Variants in STX5 observed in about 807,000 individuals in gnomAD.
STX5 encodes the protein syntaxin-5.
STX5 carries 15 observed loss-of-function variants against 42.9 expected under a neutral mutation model. The observed-to-expected ratio is 0.35, with a 90% CI of 0.23 to 0.54. STX5 has a LOEUF of 0.54. Ranked by LOEUF, STX5 falls within the 20% of genes least tolerant of loss-of-function variation. The pLI is 0.91. For missense variants in STX5, 430 were observed against 455.0 expected (o/e 0.95, Z 0.50); for synonymous variants, 184 against 173.2 (o/e 1.06, Z -0.49).
At position 62,820,097 on chromosome 11, in the gene STX5, G is replaced by A. The variant is rs1328002802; in HGVS notation, c.908+4069C>T. On this transcript the variant is annotated intron_variant, in intron 10 of 10. Transcript: ENST00000294179. The stretch of plus-strand genomic sequence containing the variant: ...AAAATATGGGCAGAATCGGCCGGGT[G>A]CGGTGGCTCATGCCTGTAATCCCAG... Among the ~76,000 whole-genome samples the A allele has an allele frequency of 2.6e-5, 4 of 151,896 alleles. No individual in the cohort carries two copies. The South Asian group carries it at 6.2e-4, about 24-fold the overall frequency.
chr11:62,819,136 G>A (rs1163199037), intron 10 of STX5, among the ~76,000 whole-genome samples: 4 of 144,366 alleles, frequency 2.8e-5, no homozygotes, highest in African/African-American at 1.0e-4. Context: ...CAGGAGAATG[G>A]TGTGAACCCA....
intron 10 of STX5, among the ~76,000 whole-genome samples, chr11:62,820,360 T>A (rs2084727419): frequency 6.7e-6 from 1 of 148,582 alleles, no homozygotes; most frequent in African/African-American, 2.5e-5. Context: ...ACGACGAGAC[T>A]CTGTCTCAAA....
intron 10 of STX5, among the ~76,000 whole-genome samples, chr11:62,809,598 T>G (rs1179683892): frequency 1.6e-5 from 2 of 123,782 alleles, no homozygotes; most frequent in Admixed American, 1.1e-4. Flanking sequence ...GGTGTGAACC[T>G]GGGAGGCAGA....
intron 1 of STX5, among the ~76,000 whole-genome samples, chr11:62,831,620 C>T (rs1011826065): frequency 1.7e-4 from 26 of 152,288 alleles, no homozygotes; most frequent in Admixed American, 5.9e-4. Context: ...TTCCTTCGGC[C>T]CCTCCGGGAG....
chr11:62,825,379 AC>A, intron 6 of STX5, 40 bp from the exon 7 acceptor site: 2 of 1,614,082 alleles, frequency 1.2e-6, no homozygotes, highest in Non-Finnish European at 1.7e-6. Context: ...AGAAGGCTCC[AC>A]ATTCTTCCTC....
At chr11:62,829,734 C>T (rs1227908732) in intron 2 of STX5, among the ~76,000 whole-genome samples, 1 of 151,740 alleles carries the variant, frequency 6.6e-6, no homozygotes, top group African/African-American at 2.4e-5. Context: ...CATTGTACTC[C>T]AGCCTTGGTG....
chr11:62,812,627 T>C (rs577454995), intron 10 of STX5, among the ~76,000 whole-genome samples: 1 of 151,512 alleles, frequency 6.6e-6, no homozygotes, highest in Admixed American at 6.6e-5. Flanking sequence ...TTTCACCGTG[T>C]TAGCCAGGAT....
chr11:62,819,814 C>T (rs1264563013), intron 10 of STX5, among the ~76,000 whole-genome samples: 1 of 151,590 alleles, frequency 6.6e-6, no homozygotes, highest in Admixed American at 6.6e-5. Context: ...CCACCTCTGG[C>T]TCCTGAGTAG....
intron 5 of STX5, among the ~76,000 whole-genome samples, chr11:62,826,572 A>C (rs576899045): frequency 6.7e-6 from 1 of 150,370 alleles, no homozygotes; most frequent in Non-Finnish European, 1.5e-5. Flanking sequence ...AATAATAATA[A>C]ATAAATAAAT....
intron 10 of STX5, among the ~76,000 whole-genome samples, chr11:62,823,220 A>G (rs960378265): frequency 6.6e-6 from 1 of 151,112 alleles, no homozygotes; most frequent in African/African-American, 2.4e-5. Context: ...TGTCACTCAG[A>G]CTGGAGCGCA....
At chr11:62,826,054 A>G (rs949947060) in intron 5 of STX5, among the ~76,000 whole-genome samples, 1 of 152,186 alleles carries the variant, frequency 6.6e-6, no homozygotes, top group Non-Finnish European at 1.5e-5. Context: ...AGAGATTGAG[A>G]CCATCCTGGC....
Position 62,831,944 on chromosome 11 carries a change from C to A in STX5, c.-20+10G>T, listed in dbSNP as rs1210621263. The A allele has an allele frequency of 6.5e-6, 3 of 458,876 alleles. No individual in the cohort carries two copies. Among genetic ancestry groups the A allele is most frequent in the African/African-American group, 6.0e-5 (3 of 50,122 alleles). The allele number at this position is 458,876 out of a possible 1,614,324, so 28.4% of individuals were successfully genotyped here. A position where few individuals can be genotyped will look rare whatever the true frequency, so the allele number is the denominator to read the frequency against. On this transcript the variant is annotated intron_variant, in intron 1 of 10. Coordinates refer to ENST00000294179, the MANE Select transcript of STX5 (RefSeq NM_003164.5). The stretch of plus-strand genomic sequence containing the variant: ...ACGGCGGCCAGATCCCCTCTTAAAG[C>A]GAATCTTACCTCCCCTCTGCCGCCT...
chr11:62,826,285 C>T (rs1013114463), intron 5 of STX5, among the ~76,000 whole-genome samples: 17 of 150,326 alleles, frequency 1.1e-4, no homozygotes, highest in Non-Finnish European at 1.8e-4. Flanking sequence ...TGGCCTGGCG[C>T]GGTGGCTCAC....
rs139084329 is a variant in STX5 at position 62,807,586 on chromosome 11, G to A, written c.951C>T (p.Ala317=). 2.4e-4 allele frequency: 382 copies of A among 1,614,004 alleles called. 1 individual carries two copies. The highest frequency in any genetic ancestry group is 5.2e-4 in the Admixed American group (31 of 59,980). ...NVLGAQLDVE[A]AHSEILKYFQ... ...AGTACTTGAGGATCTCTGAATGGGC[G>A]GCCTCAACGTCCAGCTGGGCTCCTA... is the stretch of plus-strand genomic sequence containing the variant. The change falls in exon 11 of 11, where the codon GCC becomes GCT. Residue 317 remains alanine (A), a synonymous_variant. Transcript: ENST00000294179.
intron 5 of STX5, among the ~76,000 whole-genome samples, chr11:62,826,879 C>CAAA (rs34108643): frequency 3.0e-5 from 2 of 65,624 alleles, no homozygotes; most frequent in African/African-American, 1.2e-4. Flanking sequence ...AACTCTGCCT[C>CAAA]AAAAAAAAAA....
intron 10 of STX5, among the ~76,000 whole-genome samples, chr11:62,813,624 G>A (rs185169696): frequency 1.4e-3 from 210 of 152,306 alleles, no homozygotes; most frequent in Non-Finnish European, 2.5e-3. Flanking sequence ...CAACAACGTA[G>A]AGTAAAAGCA....
intron 2 of STX5, among the ~76,000 whole-genome samples, chr11:62,829,195 C>T (rs556147348): frequency 6.6e-6 from 1 of 151,930 alleles, no homozygotes; most frequent in Non-Finnish European, 1.5e-5. Context: ...AAGGCTGAGG[C>T]GGGCAGAGCA....
At chr11:62,826,168 C>G (rs975103379) in intron 5 of STX5, among the ~76,000 whole-genome samples, 4 of 151,964 alleles carry the variant, frequency 2.6e-5, no homozygotes, top group Admixed American at 6.6e-5. Flanking sequence ...GCAAAAGAAT[C>G]GTTTTGAACC....
chr11:62,825,942 G>C (rs2084790671), intron 5 of STX5, among the ~76,000 whole-genome samples: 1 of 152,126 alleles, frequency 6.6e-6, no homozygotes, highest in Admixed American at 6.6e-5. Context: ...CTGTAGTTTC[G>C]AGAGGCATCA....
Sources: allele counts gnomAD v4.1 joint callset (sites outside exome capture counted in the v4.1 genomes callset), GRCh38; gene constraint gnomAD v4.1.1; transcripts MANE v1.5; gene names NCBI Gene and HGNC (gene_info 2026-07-23, HGNC 2026-07-21).